The following FAM110B variants were observed in gnomAD, a reference collection of about 807,000 sequenced individuals.
FAM110B encodes the protein family with sequence similarity 110 member B.
In FAM110B, 6 loss-of-function variants were observed where a neutral mutation model predicts 20.4. The ratio of observed to expected loss-of-function variants is 0.29; its 90% CI spans 0.16 to 0.58. The LOEUF (loss-of-function observed/expected upper bound fraction) is 0.58. Among genes scored for constraint, FAM110B ranks in the 20% least tolerant of loss-of-function variants. FAM110B has a pLI of 0.90. For synonymous variants in FAM110B, 226 were observed against 214.1 expected, an observed-to-expected ratio of 1.06 and a Z score of -0.49; for missense variants, 434 against 498.2, an observed-to-expected ratio of 0.87 and a Z score of 1.23.
chr8:58,004,736 C>A (rs1475351554), intron 1 of FAM110B, among the ~76,000 whole-genome samples: 1 of 152,178 alleles, frequency 6.6e-6, no homozygotes, highest in Non-Finnish European at 1.5e-5. Flanking sequence ...CAGAGCAAAA[C>A]CCCATCTCAA....
intron 2 of FAM110B, among the ~76,000 whole-genome samples, chr8:58,058,420 G>A (rs1354825003): frequency 6.6e-6 from 1 of 151,612 alleles, no homozygotes; most frequent in Admixed American, 6.6e-5. Flanking sequence ...TACAAACGTG[G>A]GACAAGTAAA....
At chr8:58,022,820 T>G (rs1236233834) in intron 1 of FAM110B, among the ~76,000 whole-genome samples, 1 of 152,216 alleles carries the variant, frequency 6.6e-6, no homozygotes, top group East Asian at 1.9e-4. Context: ...AGGCTCCAAT[T>G]ATACTTCTAG....
intron 3 of FAM110B, chr8:58,100,895 CG>C (rs902291012): frequency 1.4e-4 from 21 of 152,176 alleles, no homozygotes; most frequent in African/African-American, 4.8e-4. Context: ...GTTTTCTGGC[CG>C]GGCGCGGTGG....
intron 3 of FAM110B, among the ~76,000 whole-genome samples, chr8:58,130,714 A>G (rs1172023951): frequency 6.8e-6 from 1 of 147,420 alleles, no homozygotes; most frequent in East Asian, 1.9e-4. Flanking sequence ...ATATTACTCT[A>G]TGAATTCTTA....
intron 3 of FAM110B, chr8:58,098,826 C>G (rs2150609123): frequency 6.6e-6 from 1 of 152,426 alleles, no homozygotes; most frequent in Admixed American, 6.5e-5. Flanking sequence ...CGACGCCCAA[C>G]CCTGCTTCTG....
chr8:58,082,837 G>T (rs918716852), intron 3 of FAM110B, among the ~76,000 whole-genome samples: 232 of 123,084 alleles, frequency 1.9e-3, no homozygotes, highest in Middle Eastern at 3.8e-3. Context: ...CTCCATTTTT[G>T]TTTTTTTTTG....
chr8:58,045,292 C>T (rs1044718401), intron 2 of FAM110B, among the ~76,000 whole-genome samples: 2 of 152,160 alleles, frequency 1.3e-5, no homozygotes, highest in Admixed American at 1.3e-4. Context: ...CACTCTCTCT[C>T]GCTACTGTGT....
intron 1 of FAM110B, among the ~76,000 whole-genome samples, chr8:58,023,808 G>A (rs1477215002): frequency 6.6e-6 from 1 of 152,182 alleles, no homozygotes; most frequent in African/African-American, 2.4e-5. Flanking sequence ...TATCCAGTCA[G>A]TAATGTGCTA....
chr8:58,067,730 A>G (rs1333436113), intron 2 of FAM110B, among the ~76,000 whole-genome samples: 1 of 152,238 alleles, frequency 6.6e-6, no homozygotes, highest in Non-Finnish European at 1.5e-5. Flanking sequence ...CAGTATTTCC[A>G]GGGTGCAGCA....
chr8:58,072,228 C>T (rs970761241), intron 2 of FAM110B, among the ~76,000 whole-genome samples: 5 of 152,172 alleles, frequency 3.3e-5, no homozygotes, highest in African/African-American at 1.2e-4. Flanking sequence ...CTTGGGCACA[C>T]ATAAACATTG....
At chr8:58,006,901 G>GTATATATATATATATATA (rs761091750) in intron 1 of FAM110B, among the ~76,000 whole-genome samples, 9,322 of 95,774 alleles carry the variant, frequency 0.097, 928 homozygotes, top group Non-Finnish European at 0.14. Flanking sequence ...GGCTTAATTG[G>GTATATATATATATATATA]TATATATATA....
chr8:58,105,044 C>T (rs1427023386), intron 3 of FAM110B, among the ~76,000 whole-genome samples: 1 of 150,240 alleles, frequency 6.7e-6, no homozygotes, highest in African/African-American at 2.5e-5. Flanking sequence ...AGATGGGTAA[C>T]CTTCAGCTTT....
intron 1 of FAM110B, among the ~76,000 whole-genome samples, chr8:58,025,793 T>A (rs1804844256): frequency 6.6e-6 from 1 of 152,206 alleles, no homozygotes; most frequent in Non-Finnish European, 1.5e-5. Context: ...ATGAGCTGTA[T>A]AACCTCTCTA....
At chr8:58,055,388 ATATGTCTTTT>A (rs1329350214) in intron 2 of FAM110B, among the ~76,000 whole-genome samples, 6 of 152,098 alleles carry the variant, frequency 3.9e-5, no homozygotes, top group African/African-American at 1.4e-4. Context: ...TCATACCTTG[ATATGTCTTTT>A]TTTGTCTTTT....
Position 57,996,227 on chromosome 8 carries a change from A to G in FAM110B, c.-512+1421A>G, listed in dbSNP as rs537121902. ...TAGTATTACTATAGATTGTACATGT[A>G]AAGTCACTAATTGAACAGAGAGGTG... On this transcript the variant is annotated intron_variant, in intron 1 of 3. Coordinates refer to ENST00000519262, the MANE Select transcript of FAM110B (RefSeq NM_001377989.1). Among the ~76,000 whole-genome samples, 124 of 152,324 alleles carry G rather than the reference A, an allele frequency of 8.1e-4. 3 individuals are homozygous for G. The highest frequency in any genetic ancestry group is 2.2e-4 in the Non-Finnish European group (15 of 68,030).
chr8:58,083,889 G>A (rs1585871662), intron 3 of FAM110B, among the ~76,000 whole-genome samples: 2 of 152,156 alleles, frequency 1.3e-5, no homozygotes, highest in East Asian at 3.8e-4. Flanking sequence ...TAGTAGTGCT[G>A]GAGTTGGAAG....
intron 3 of FAM110B, among the ~76,000 whole-genome samples, chr8:58,078,901 A>G (rs1213710655): frequency 2.6e-5 from 4 of 152,196 alleles, no homozygotes; most frequent in Non-Finnish European, 5.9e-5. Context: ...GAAATTGCTC[A>G]GAACAACAAC....
intron 1 of FAM110B, among the ~76,000 whole-genome samples, chr8:57,996,548 G>T (rs1407493615): frequency 6.6e-6 from 1 of 152,096 alleles, no homozygotes; most frequent in East Asian, 1.9e-4. Context: ...TTATATATTG[G>T]ATCTCTAAGG....
At chr8:58,098,478 G>C (rs1485610616) in intron 3 of FAM110B, among the ~76,000 whole-genome samples, 1 of 152,178 alleles carries the variant, frequency 6.6e-6, no homozygotes. Flanking sequence ...AGCTTGCTGG[G>C]TTCCTTGGGG....
Sources: gnomAD v4.1 joint callset for allele counts (sites outside exome capture counted in the v4.1 genomes callset) on GRCh38, gnomAD v4.1.1 for gene constraint, MANE v1.5 for transcripts, NCBI Gene and HGNC (gene_info 2026-07-23, HGNC 2026-07-21) for gene names.